Variants in HIVEP3 observed in about 807,000 individuals in gnomAD.
HIVEP3 encodes the protein HIVEP zinc finger 3.
A neutral mutation model predicts 152.8 loss-of-function variants in HIVEP3; 49 were observed. The ratio of observed to expected loss-of-function variants is 0.32; its 90% confidence interval spans 0.26 to 0.41. HIVEP3 has a LOEUF of 0.41. HIVEP3 is among the 10% of genes least tolerant of loss of function. HIVEP3 has a pLI of 1.00. For missense variants in HIVEP3, 2,790 were observed against 3,103.3 expected, an observed-to-expected ratio of 0.90 and a Z score of 2.40; for synonymous variants, 1,269 against 1,289.0, an observed-to-expected ratio of 0.98 and a Z score of 0.33.
At chr1:41,747,071 A>G (rs1647083958) in intron 1 of HIVEP3, among the ~76,000 whole-genome samples, 1 of 152,202 alleles carries the variant, frequency 6.6e-6, no homozygotes, top group Non-Finnish European at 1.5e-5. Context: ...GAAACTGAGG[A>G]TTCCCACCTG....
intron 1 of HIVEP3, among the ~76,000 whole-genome samples, chr1:41,858,500 A>G (rs564416613): frequency 2.6e-5 from 4 of 152,258 alleles, no homozygotes; most frequent in African/African-American, 9.6e-5. Flanking sequence ...CATGGTCTCC[A>G]ACACCGACAT....
At chr1:41,892,239 A>AC (rs1457563599) in intron 1 of HIVEP3, among the ~76,000 whole-genome samples, 1 of 152,186 alleles carries the variant, frequency 6.6e-6, no homozygotes, top group African/African-American at 2.4e-5. Context: ...AACAACAACA[A>AC]AAAATTCCTT....
At chr1:41,670,635 G>T (rs1164778431) in intron 2 of HIVEP3, among the ~76,000 whole-genome samples, 3 of 152,336 alleles carry the variant, frequency 2.0e-5, no homozygotes, top group Non-Finnish European at 4.4e-5. Context: ...ATGGCAACAA[G>T]GCAGAACAGA....
chr1:41,987,901 T>C (rs1645333521), intron 1 of HIVEP3, among the ~76,000 whole-genome samples: 1 of 152,004 alleles, frequency 6.6e-6, no homozygotes, highest in South Asian at 2.1e-4. Context: ...GCCTCACACT[T>C]ATCAAACAAC....
chr1:41,568,760 C>T (rs1644207681), intron 5 of HIVEP3, among the ~76,000 whole-genome samples: 1 of 152,204 alleles, frequency 6.6e-6, no homozygotes, highest in African/African-American at 2.4e-5. Context: ...TGCAGAATGT[C>T]CATCTTGCTT....
chr1:41,937,387 A>T (rs1388805933), intron 1 of HIVEP3, among the ~76,000 whole-genome samples: 1 of 152,146 alleles, frequency 6.6e-6, no homozygotes, highest in East Asian at 1.9e-4. Flanking sequence ...AGACACAAAG[A>T]AACTTTTGCT....
intron 1 of HIVEP3, among the ~76,000 whole-genome samples, chr1:41,751,815 A>C (rs978194205): frequency 2.6e-5 from 4 of 152,144 alleles, no homozygotes; most frequent in Non-Finnish European, 5.9e-5. Context: ...AAGTGAATCC[A>C]CACAAAAGCA....
intron 1 of HIVEP3, among the ~76,000 whole-genome samples, chr1:41,704,593 G>A (rs761307670): frequency 6.6e-6 from 1 of 152,252 alleles, no homozygotes; most frequent in Non-Finnish European, 1.5e-5. Context: ...ATGGGAAGGA[G>A]CTAACATCCA....
chr1:42,012,745 C>T (rs1019323656), intron 1 of HIVEP3, among the ~76,000 whole-genome samples: 7 of 152,098 alleles, frequency 4.6e-5, no homozygotes, highest in Non-Finnish European at 1.0e-4. Flanking sequence ...TTCTCCCTCT[C>T]TTTGCCATAC....
chr1:42,024,238 T>C (rs898739354), intron 1 of HIVEP3, among the ~76,000 whole-genome samples: 2 of 152,234 alleles, frequency 1.3e-5, no homozygotes, highest in East Asian at 1.9e-4. Flanking sequence ...TACATATACA[T>C]TTCAAACATA....
chr1:41,839,969 C>G (rs1290757578), intron 1 of HIVEP3, among the ~76,000 whole-genome samples: 1 of 152,150 alleles, frequency 6.6e-6, no homozygotes, highest in Non-Finnish European at 1.5e-5. Context: ...CAATTTAAAA[C>G]CCAGGTCCTT....
intron 2 of HIVEP3, among the ~76,000 whole-genome samples, chr1:41,689,618 C>T (rs543164336): frequency 1.8e-4 from 28 of 152,310 alleles, no homozygotes; most frequent in African/African-American, 6.0e-4. Flanking sequence ...GCTTTGCTTC[C>T]TACTGGTTTA....
chr1:42,002,480 A>G (rs1012475943), intron 1 of HIVEP3, among the ~76,000 whole-genome samples: 2 of 152,160 alleles, frequency 1.3e-5, no homozygotes, highest in East Asian at 3.9e-4. Flanking sequence ...AGGTGCCAGG[A>G]AAGATCAGGA....
At chr1:41,852,341 C>T (rs1009843565) in intron 1 of HIVEP3, among the ~76,000 whole-genome samples, 1 of 152,234 alleles carries the variant, frequency 6.6e-6, no homozygotes. Flanking sequence ...CTGTGAGAGG[C>T]CACAGAGGGA....
intron 5 of HIVEP3, among the ~76,000 whole-genome samples, chr1:41,536,869 C>A (rs1214377814): frequency 1.3e-5 from 2 of 152,184 alleles, no homozygotes; most frequent in African/African-American, 4.8e-5. Flanking sequence ...GTTAAATAAC[C>A]TGCCCAAGGT....
intron 1 of HIVEP3, among the ~76,000 whole-genome samples, chr1:42,004,566 G>C (rs900888447): frequency 6.6e-6 from 1 of 152,140 alleles, no homozygotes; most frequent in Non-Finnish European, 1.5e-5. Flanking sequence ...GACCGCTTGA[G>C]CTCCATACTG....
At chr1:41,847,924 G>A (rs1442962115) in intron 1 of HIVEP3, 1 of 152,488 alleles carries the variant, frequency 6.6e-6, no homozygotes, top group Non-Finnish European at 1.5e-5. Context: ...GATCTGGCCA[G>A]GCAGCCTCTT....
intron 3 of HIVEP3, among the ~76,000 whole-genome samples, chr1:41,591,094 A>C (rs923514017): frequency 3.3e-5 from 5 of 152,232 alleles, no homozygotes; most frequent in African/African-American, 1.2e-4. Context: ...GCTATTGGAG[A>C]AAGCATTTCT....
Position 41,984,563 on chromosome 1 carries a change from G to T in HIVEP3, n.119+51244C>A, listed in dbSNP as rs895012437. ...GCAAAGTCTGAAGGAGCACTGACTT[G>T]AGAGAAGGGAAAAGCAATCACCCAG... is the stretch of plus-strand genomic sequence containing the variant. On this transcript the variant is annotated intron_variant and non_coding_transcript_variant, in intron 1 of 3. Transcript: ENST00000489103. Among the ~76,000 whole-genome samples, 5 of 152,218 alleles carry T rather than the reference G, an allele frequency of 3.3e-5. No homozygotes were observed. In the East Asian group the frequency reaches 5.8e-4, roughly 18 times the overall value.
Sources: allele counts gnomAD v4.1 joint callset (sites outside exome capture counted in the v4.1 genomes callset), GRCh38; gene constraint gnomAD v4.1.1; transcripts MANE v1.5; gene names NCBI Gene and HGNC (gene_info 2026-07-23, HGNC 2026-07-21).